Variants in AKAP1 observed in about 807,000 individuals in gnomAD.
The protein encoded by AKAP1 is A-kinase anchor protein 1, mitochondrial.
AKAP1 carries 32 observed loss-of-function variants against 79.8 expected under a neutral mutation model. The ratio of observed to expected loss-of-function variants is 0.40; its 90% CI spans 0.30 to 0.54. AKAP1 has a LOEUF of 0.54. Ranked by LOEUF, AKAP1 falls within the 20% of genes least tolerant of loss-of-function variation. The pLI is 0.47. For missense variants in AKAP1, 961 were observed against 1,138.9 expected, an observed-to-expected ratio of 0.84 and a Z score of 2.25; for synonymous variants, 416 against 466.7, an observed-to-expected ratio of 0.89 and a Z score of 1.40.
intron 5 of AKAP1, among the ~76,000 whole-genome samples, chr17:57,113,070 C>T (rs1915349880): frequency 6.6e-6 from 1 of 152,210 alleles, no homozygotes; most frequent in African/African-American, 2.4e-5. Context: ...TCTCCTTCCC[C>T]TTCCCCTCCC....
chr17:57,119,388 G>A (rs1915780353), intron 10 of AKAP1, among the ~76,000 whole-genome samples: 1 of 152,050 alleles, frequency 6.6e-6, no homozygotes, highest in Non-Finnish European at 1.5e-5. Context: ...CTATCTTATG[G>A]TATGAAAGCT....
intron 1 of AKAP1, chr17:57,095,597 G>A (rs1345475814): frequency 1.3e-5 from 2 of 149,658 alleles, no homozygotes; most frequent in Admixed American, 6.8e-5. Flanking sequence ...GTAATTATTT[G>A]TTGAATAGAA....
chr17:57,107,937 T>C, intron 2 of AKAP1: 1 of 1,289,350 alleles, frequency 7.8e-7, no homozygotes, highest in Non-Finnish European at 1.0e-6. Flanking sequence ...CCATTTTCTT[T>C]CTGTGCAGTT....
chr17:57,112,754 C>A, intron 5 of AKAP1, 136 bp downstream of exon 5: 2 of 1,278,976 alleles, frequency 1.6e-6, no homozygotes, highest in South Asian at 1.5e-5. Flanking sequence ...CTGGCCTCTG[C>A]TGGTCGGTTC....
At chr17:57,093,378 C>T (rs1913897711) in intron 1 of AKAP1, 1 of 152,220 alleles carries the variant, frequency 6.6e-6, no homozygotes, top group African/African-American at 2.4e-5. Flanking sequence ...GCGTGTTAAA[C>T]TCTTTGTTAA....
chr17:57,105,171 G>A (rs1349493739), intron 1 of AKAP1, among the ~76,000 whole-genome samples: 1 of 152,216 alleles, frequency 6.6e-6, no homozygotes, highest in East Asian at 1.9e-4. Context: ...AGGGATTTGG[G>A]TTAAAGAATA....
chr17:57,088,901 G>T lies in AKAP1; in HGVS notation c.-25+3503G>T, dbSNP rs187595726. Among the ~76,000 whole-genome samples the T allele has an allele frequency of 1.2e-3, 180 of 152,282 alleles. 1 individual carries two copies. The highest frequency in any genetic ancestry group is 7.3e-3 in the Admixed American group (111 of 15,296). The stretch of plus-strand genomic sequence containing the variant: ...GTTCCCTGTTCTGTAATGGTGGCTG[G>T]TTGTGTTCACCGAGCCAGGTGTCAC... On this transcript the variant is annotated intron_variant, in intron 1 of 10. Coordinates refer to ENST00000337714, the MANE Select transcript of AKAP1 (RefSeq NM_003488.4).
rs767025197 is a variant in AKAP1 at position 57,114,481 on chromosome 17, C to T, written c.2126C>T (p.Thr709Ile). The change falls in exon 6 of 11, where the codon ACC (threonine) becomes ATC (isoleucine). Residue 709 changes from threonine (T) to isoleucine (I), a missense_variant. Physicochemically the swap from Thr to Ile is moderately conservative, Grantham distance 89 (BLOSUM62 -1). Transcript: ENST00000337714. ...TSWLMLPDGI[T>I]VEVIVVNQVN... ...CAGCTCATGCTGCCTGATGGCATCA[C>T]CGTGGAGGTCATTGTGGTCAACCAG... 1.9e-6 allele frequency: 3 copies of T among 1,614,154 alleles called. No homozygotes were observed. The highest frequency in any genetic ancestry group is 2.2e-5 in the East Asian group (1 of 44,876).
chr17:57,099,000 C>G (rs1424420358), intron 1 of AKAP1, among the ~76,000 whole-genome samples: 1 of 151,516 alleles, frequency 6.6e-6, no homozygotes. Context: ...GATCTGATCT[C>G]GTGATCTGCC....
In AKAP1 at chr17:57,106,334, C is replaced by T; in HGVS notation, c.870C>T (p.Val290=). 1.9e-6 allele frequency: 3 copies of T among 1,613,970 alleles called. No homozygotes were observed. Among genetic ancestry groups the T allele is most frequent in the Non-Finnish European group, 1.7e-6 (2 of 1,179,998 alleles). Residue 290 remains valine, a synonymous_variant, in exon 2 of 11, where the codon GTC becomes GTT. Coordinates refer to ENST00000337714, the MANE Select transcript of AKAP1 (RefSeq NM_003488.4). ...ACGATGCGGCGCCAGCACCCCCAGT[C>T]GCAGACGCCAAAGCCCAGGATAGAG... ...AKDDAAPAPP[V]ADAKAQDRGV... is the part of the protein sequence containing the mutation.
rs373354322 is a variant in AKAP1 at position 57,106,391 on chromosome 17, C to T, written c.927C>T (p.Ser309=). Residue 309 remains serine, a synonymous_variant, in exon 2 of 11, where the codon AGC becomes AGT. Transcript: ENST00000337714. The stretch of plus-strand genomic sequence containing the variant: ...AGGGAGAACTGGGCAATGAGGAGAG[C>T]TTGGATAGAAATGAGGAGGGCTTGG... ...GVEGELGNEE[S]LDRNEEGLDR... The T allele has an allele frequency of 2.5e-5, 35 of 1,403,732 alleles. No homozygotes were observed. The highest frequency in any genetic ancestry group is 3.3e-5 in the Non-Finnish European group (33 of 1,006,440). 87.0% of individuals were successfully genotyped at this position (1,403,732 alleles called of 1,614,324 possible).
At position 57,110,106 on chromosome 17, in the gene AKAP1, G is replaced by T; in HGVS notation, c.1796G>T (p.Gly599Val). The part of the protein sequence containing the change: ...KTESFQNAQA[G>V]SNPKKVDLII... ...GAGAGCTTCCAAAATGCCCAGGCAG[G>T]CTCCAACCCTAAGAAGGTCGACCTC... The change falls in exon 3 of 11, where the codon GGC becomes GTC. Residue 599 changes from glycine (G) to valine (V), a missense_variant. Coordinates refer to ENST00000337714, the MANE Select transcript of AKAP1 (RefSeq NM_003488.4). 1 of 1,614,170 alleles carries T rather than the reference G, an allele frequency of 6.2e-7. No homozygotes were observed. The highest frequency in any genetic ancestry group is 2.2e-5 in the East Asian group (1 of 44,882).
chr17:57,109,172 G>A (rs1190956980), intron 2 of AKAP1, among the ~76,000 whole-genome samples: 1 of 152,222 alleles, frequency 6.6e-6, no homozygotes, highest in Admixed American at 6.5e-5. Flanking sequence ...TCTCAGGAGT[G>A]ATCTATTTCT....
rs1597976300 is a variant in AKAP1, at chr17:57,105,633, C to T, written c.169C>T (p.Pro57Ser). The change falls in exon 2 of 11, where the codon CCT (proline) becomes TCT (serine). Residue 57 changes from proline (P) to serine (S), a missense_variant. Transcript: ENST00000337714. ...GAGGGCTGACCCTGCCATCAAGGAACCTCTCCCCGTGGAAGACGTCTGTCC... is the reference window on the plus strand; with the variant it reads ...GAGGGCTGACCCTGCCATCAAGGAATCTCTCCCCGTGGAAGACGTCTGTCC... ...QLRADPAIKE[P>S]LPVEDVCPKV... 1 of 1,614,134 alleles carries T rather than the reference C, an allele frequency of 6.2e-7. No individual in the cohort carries two copies.
chr17:57,088,030 G>A lies in AKAP1; in HGVS notation c.-25+2632G>A, dbSNP rs540218967. 2.4e-4 allele frequency among the ~76,000 whole-genome samples: 37 copies of A among 152,224 alleles called. No homozygotes were observed. The South Asian group carries it at 6.4e-3, about 26-fold the overall frequency. ...TACCTTCAGCTTGTCATTCTCAGGC[G>A]TTTTCTTCCACTATGGGGAGGTAGT... On this transcript the variant is annotated intron_variant, in intron 1 of 10. Transcript: ENST00000337714.
chr17:57,115,193 T>C (rs940875331), intron 6 of AKAP1, among the ~76,000 whole-genome samples: 4 of 152,156 alleles, frequency 2.6e-5, no homozygotes, highest in Admixed American at 6.5e-5. Context: ...ATCTTTGTTG[T>C]CCTTATCACA....
At position 57,106,616 on chromosome 17, in the gene AKAP1, G is replaced by A. The variant is rs1407891569; in HGVS notation, c.1152G>A (p.Gln384=). The A allele has an allele frequency of 6.2e-7, 1 of 1,614,218 alleles. No individual in the cohort carries two copies. The highest frequency in any genetic ancestry group is 8.5e-7 in the Non-Finnish European group (1 of 1,180,042). ...RVCQASQLQG[Q]KEESCVPVHQ... is the part of the protein sequence containing the mutation. ...GTCAGGCCAGTCAGCTCCAAGGGCA[G>A]AAGGAAGAGAGCTGTGTCCCAGTTC... Residue 384 remains glutamine (Q), a synonymous_variant, in exon 2 of 11, where the codon CAG becomes CAA. Transcript: ENST00000337714.
chr17:57,116,211 G>A lies in AKAP1; in HGVS notation c.2382G>A (p.Val794=). ...CCAACGAAGTGGAGATTCGATACGT[G>A]GACTACGGCGGATATAAGAGGGTGA... ...EETNEVEIRY[V]DYGGYKRVKV... The change falls in exon 7 of 11, where the codon GTG becomes GTA. Residue 794 remains valine, a synonymous_variant. Transcript: ENST00000337714. 1.2e-6 allele frequency: 2 copies of A among 1,614,170 alleles called. No individual in the cohort carries two copies. The highest frequency in any genetic ancestry group is 4.5e-5 in the East Asian group (2 of 44,886).
At chr17:57,103,455 G>A (rs766860365) in intron 1 of AKAP1, among the ~76,000 whole-genome samples, 1 of 152,214 alleles carries the variant, frequency 6.6e-6, no homozygotes, top group Non-Finnish European at 1.5e-5. Flanking sequence ...AGGACTTCTG[G>A]TACATGGATC....
Sources: allele counts gnomAD v4.1 joint callset (sites outside exome capture counted in the v4.1 genomes callset), GRCh38; gene constraint gnomAD v4.1.1; transcripts MANE v1.5; gene names NCBI Gene and HGNC (gene_info 2026-07-23, HGNC 2026-07-21).